Variants in TBXAS1 observed in about 807,000 individuals in gnomAD.
TBXAS1 encodes thromboxane-A synthase.
In TBXAS1, 48 loss-of-function variants were observed where a neutral mutation model predicts 60.7. That is an observed-to-expected ratio of 0.79 (90% CI 0.63 to 1.01). The LOEUF is 1.01. TBXAS1 is among the 50% of genes least tolerant of loss of function. The pLI, the probability that TBXAS1 is intolerant of heterozygous loss-of-function variation, is 0.00. For synonymous variants in TBXAS1, 287 were observed against 269.7 expected, an observed-to-expected ratio of 1.06 and a Z score of -0.63; for missense variants, 685 against 686.3, an observed-to-expected ratio of 1.00 and a Z score of 0.02.
chr7:139,796,241 G>A (rs577244747), intron 4 of TBXAS1, among the ~76,000 whole-genome samples: 26 of 152,256 alleles, frequency 1.7e-4, no homozygotes, highest in Middle Eastern at 3.4e-3. Flanking sequence ...AGCACATAGC[G>A]GTATTTAATG....
At chr7:139,811,059 A>C (rs1798011972) in intron 4 of TBXAS1, among the ~76,000 whole-genome samples, 1 of 152,244 alleles carries the variant, frequency 6.6e-6, no homozygotes, top group African/African-American at 2.4e-5. Flanking sequence ...GAAAAGCAAA[A>C]TCAGAAGACT....
intron 4 of TBXAS1, among the ~76,000 whole-genome samples, chr7:139,809,233 T>TAGATGAGAGATA (rs1554466810): frequency 7.6e-6 from 1 of 130,998 alleles, no homozygotes. Context: ...GATAGATAGA[T>TAGATGAGAGATA]GATAGATAGA....
intron 1 of TBXAS1, among the ~76,000 whole-genome samples, chr7:139,867,106 C>T (rs768187567): frequency 1.3e-5 from 2 of 152,234 alleles, no homozygotes; most frequent in Non-Finnish European, 2.9e-5. Context: ...CATAGAGTAA[C>T]CATGGCAAAG....
intron 9 of TBXAS1, among the ~76,000 whole-genome samples, chr7:139,963,670 G>A (rs1810541786): frequency 6.6e-6 from 1 of 152,218 alleles, no homozygotes; most frequent in Non-Finnish European, 1.5e-5. Flanking sequence ...GGAGCTGGAA[G>A]CGAGGCAATC....
rs117033466 is a variant in TBXAS1, at chr7:139,996,110, A to G, written c.1135-10981A>G. ...CGGCCTCCCGAGTAGCTGGGATTAC[A>G]GGTGCACACCACCATGTCTGGCATT... On this transcript the variant is annotated intron_variant, in intron 9 of 12. Coordinates refer to ENST00000448866, the MANE Select transcript of TBXAS1 (RefSeq NM_001061.7). Among the ~76,000 whole-genome samples the G allele has an allele frequency of 7.5e-3, 1,137 of 151,088 alleles. 13 individuals carry two copies. Among genetic ancestry groups the G allele is most frequent in the Non-Finnish European group, 0.012 (843 of 67,874 alleles).
intron 2 of TBXAS1, among the ~76,000 whole-genome samples, chr7:139,782,062 C>A (rs1354901141): frequency 1.3e-5 from 2 of 151,682 alleles, no homozygotes; most frequent in African/African-American, 4.8e-5. Flanking sequence ...GAGGGCCTTA[C>A]CAGTCATGGG....
At chr7:139,879,202 C>T (rs915033739) in intron 3 of TBXAS1, among the ~76,000 whole-genome samples, 9 of 152,190 alleles carry the variant, frequency 5.9e-5, no homozygotes, top group Admixed American at 2.6e-4. Context: ...CCACCACCAC[C>T]ATCACCACCA....
intron 9 of TBXAS1, among the ~76,000 whole-genome samples, chr7:139,994,467 G>A (rs1813149619): frequency 6.6e-6 from 1 of 152,148 alleles, no homozygotes; most frequent in Admixed American, 6.5e-5. Flanking sequence ...CTTAAAATCT[G>A]GTACCAGTCA....
chr7:139,838,478 C>T (rs1309417821), intron 1 of TBXAS1, among the ~76,000 whole-genome samples: 5 of 152,214 alleles, frequency 3.3e-5, no homozygotes, highest in Admixed American at 2.6e-4. Flanking sequence ...ATGTGACCCA[C>T]TCCCTTTCCT....
At chr7:140,007,328 A>G (rs1179052013) in intron 10 of TBXAS1, 146 bp downstream of exon 10, 13 of 724,618 alleles carry the variant, frequency 1.8e-5, no homozygotes, top group Non-Finnish European at 2.5e-6. Context: ...TTGTATCCCC[A>G]TGGCACCTCA....
rs540682396 is a variant in TBXAS1 at position 140,017,960 on chromosome 7, C to T, written c.1527+127C>T. ...TGCCTCCGTGAGCTTGGGCAAGCTC[C>T]TTAACCTCTCTCGGCCTCAGTTTCT... On this transcript the variant is annotated intron_variant, in intron 12 of 12. Transcript: ENST00000448866. The T allele has an allele frequency of 1.5e-4, 186 of 1,259,342 alleles. 1 individual carries two copies. The African/African-American group carries it at 2.6e-3, about 18-fold the overall frequency. 78.0% of individuals were successfully genotyped at this position (1,259,342 alleles called of 1,614,324 possible). A position where few individuals can be genotyped will look rare whatever the true frequency, so the allele number is the denominator to read the frequency against.
intron 4 of TBXAS1, among the ~76,000 whole-genome samples, chr7:139,817,807 A>G (rs554199942): frequency 2.3e-3 from 354 of 152,352 alleles, no homozygotes; most frequent in African/African-American, 8.1e-3. Context: ...TGGTTATTTC[A>G]ATAAACTGAT....
chr7:139,780,228 G>T (rs924782753), intron 1 of TBXAS1, among the ~76,000 whole-genome samples: 19 of 152,222 alleles, frequency 1.2e-4, no homozygotes, highest in African/African-American at 4.6e-4. Flanking sequence ...TACCCTACAT[G>T]CATGTCTCTC....
intron 3 of TBXAS1, 115 bp from the exon 4 acceptor site, chr7:139,911,110 A>G: frequency 3.4e-6 from 3 of 882,824 alleles, no homozygotes; most frequent in Middle Eastern, 2.4e-4. Context: ...CATCGTCTCC[A>G]TACCTTTACT....
Position 139,911,210 on chromosome 7 carries a change from T to G in TBXAS1, c.237-15T>G. On this transcript the variant is annotated splice_polypyrimidine_tract_variant and intron_variant, in intron 3 of 12. Transcript: ENST00000448866. Reference sequence around the variant, plus strand: ...GTAATGCAACACATTTTAATGCATTTTTTATTCCTCCCAGGTACTATCTTG... The same window carrying G: ...GTAATGCAACACATTTTAATGCATTGTTTATTCCTCCCAGGTACTATCTTG... The G allele has an allele frequency of 2.5e-6, 4 of 1,612,732 alleles. No homozygotes were observed. The highest frequency in any genetic ancestry group is 2.5e-6 in the Non-Finnish European group (3 of 1,178,714).
rs1365039118 is a variant in TBXAS1, at chr7:139,916,358, G to C, written c.333+5037G>C. On this transcript the variant is annotated intron_variant, in intron 4 of 12. Transcript: ENST00000448866. The surrounding 1 kb of genome is among the most constrained non-coding windows in gnomAD (Gnocchi z 4.2). ...GGGATGTGTCAAAACACTAAGCCTAGTGCTTTGGAGATGTGGGTTCTGGTC... is the reference window on the plus strand; with the variant it reads ...GGGATGTGTCAAAACACTAAGCCTACTGCTTTGGAGATGTGGGTTCTGGTC... Among the ~76,000 whole-genome samples, 2 of 152,190 alleles carry C rather than the reference G, an allele frequency of 1.3e-5. No homozygotes were observed. Among genetic ancestry groups the C allele is most frequent in the African/African-American group, 2.4e-5 (1 of 41,456 alleles).
chr7:139,792,416 G>A (rs894716268), intron 4 of TBXAS1, among the ~76,000 whole-genome samples: 1 of 152,136 alleles, frequency 6.6e-6, no homozygotes. Flanking sequence ...TTGTTTACTG[G>A]CCTGCATTAT....
chr7:140,014,705 T>G (rs1474113195), intron 10 of TBXAS1, among the ~76,000 whole-genome samples: 1 of 151,526 alleles, frequency 6.6e-6, no homozygotes, highest in Non-Finnish European at 1.5e-5. Context: ...GGTCAGGAGT[T>G]CGAGACCAGC....
chr7:139,999,439 G>T lies in TBXAS1; in HGVS notation c.1135-7652G>T, dbSNP rs773833208. Reference sequence around the variant, plus strand: ...CTTGGGAGGCTGACGCATGAGACTCGCTTGAACCCGGGAGGTGGAGGTTGC... The same window carrying T: ...CTTGGGAGGCTGACGCATGAGACTCTCTTGAACCCGGGAGGTGGAGGTTGC... On this transcript the variant is annotated intron_variant, in intron 9 of 12. Coordinates refer to ENST00000448866, the MANE Select transcript of TBXAS1 (RefSeq NM_001061.7). The surrounding 1 kb of genome is among the most constrained non-coding windows in gnomAD (Gnocchi z 4.3). Among the ~76,000 whole-genome samples, 7 of 152,168 alleles carry T rather than the reference G, an allele frequency of 4.6e-5. No homozygotes were observed. Among genetic ancestry groups the T allele is most frequent in the Non-Finnish European group, 7.3e-5 (5 of 68,042 alleles).
Sources: gnomAD v4.1 joint callset for allele counts (sites outside exome capture counted in the v4.1 genomes callset) on GRCh38, gnomAD v4.1.1 for gene constraint, Gnocchi (gnomAD v3.1) non-coding constraint, MANE v1.5 for transcripts, NCBI Gene and HGNC (gene_info 2026-07-23, HGNC 2026-07-21) for gene names.